EP300: variants seen among roughly 807,000 people sequenced by gnomAD.
The protein encoded by EP300 is EP300 lysine acetyltransferase.
Under a neutral mutation model 264.0 loss-of-function variants are expected in EP300, and 31 were observed. The observed-to-expected ratio is 0.12, with a 90% CI of 0.09 to 0.16. EP300 has a LOEUF of 0.16. EP300 is among the 10% of genes least tolerant of loss of function. The probability of loss-of-function intolerance (pLI) is 1.00; values close to 1 mark genes in which losing one functional copy is unlikely to be tolerated. For missense variants in EP300, 2,766 were observed against 3,052.9 expected (o/e 0.91, Z 2.21); for synonymous variants, 1,340 against 1,045.4 (o/e 1.28, Z -5.44).
chr22:41,173,561 T>A, intron 28 of EP300, 62 bp from the exon 29 acceptor site: 1 of 1,547,766 alleles, frequency 6.5e-7, no homozygotes, highest in Non-Finnish European at 8.9e-7. Context: ...AGATATTCTG[T>A]GCTATTCCCA....
chr22:41,169,974 C>T (rs1260359521), intron 26 of EP300, among the ~76,000 whole-genome samples: 1 of 152,144 alleles, frequency 6.6e-6, no homozygotes, highest in African/African-American at 2.4e-5. Flanking sequence ...TACTTCTTAC[C>T]TTTAGAGTAT....
At chr22:41,146,165 A>ATT (rs130087) in intron 10 of EP300, among the ~76,000 whole-genome samples, 1,692 of 139,046 alleles carry the variant, frequency 0.012, 22 homozygotes, top group East Asian at 0.039. Context: ...GATGGCCTCA[A>ATT]TTTTTTTTTT....
At chr22:41,119,176 T>TTA (rs1483524084) in intron 2 of EP300, among the ~76,000 whole-genome samples, 33 of 105,420 alleles carry the variant, frequency 3.1e-4, no homozygotes, top group South Asian at 5.9e-4. Flanking sequence ...CTTATTATTA[T>TTA]TTTTTTTTTT....
chr22:41,154,878 G>A, intron 16 of EP300, 117 bp from the exon 17 acceptor site: 1 of 743,058 alleles, frequency 1.3e-6, no homozygotes, highest in Non-Finnish European at 2.4e-6. Context: ...CATGGGGACA[G>A]AGTGGTTAAT....
intron 2 of EP300, among the ~76,000 whole-genome samples, chr22:41,120,624 T>C (rs1283963835): frequency 6.6e-6 from 1 of 152,204 alleles, no homozygotes; most frequent in Non-Finnish European, 1.5e-5. Context: ...TCCAAAAGTC[T>C]GACCTATGGT....
chr22:41,172,641 ACAC>A lies in EP300; in HGVS notation c.4598_4600del (p.Thr1533del). On this transcript the variant is annotated inframe_deletion, in exon 28 of 31. Coordinates refer to ENST00000263253, the MANE Select transcript of EP300 (RefSeq NM_001429.4). ...GAAGAAGAGAGAAAACGAGAGGAAAACACCAGCAATGAAAGCACAGATGTAAGG... is the reference window on the plus strand; with the variant it reads ...GAAGAAGAGAGAAAACGAGAGGAAAACAGCAATGAAAGCACAGATGTAAGG... 1.9e-6 allele frequency: 3 copies of A among 1,613,622 alleles called. No homozygotes were observed. The highest frequency in any genetic ancestry group is 2.5e-6 in the Non-Finnish European group (3 of 1,179,642).
intron 20 of EP300, among the ~76,000 whole-genome samples, chr22:41,161,800 G>C (rs1252346572): frequency 1.3e-5 from 2 of 152,144 alleles, no homozygotes; most frequent in Non-Finnish European, 2.9e-5. Context: ...TAGTAAAAAT[G>C]GGGCTTCTGA....
At chr22:41,093,999 C>T (rs780008670) in intron 1 of EP300, among the ~76,000 whole-genome samples, 2 of 152,218 alleles carry the variant, frequency 1.3e-5, no homozygotes, top group African/African-American at 4.8e-5. Flanking sequence ...TTTAAACATA[C>T]TTGGAGATCA....
intron 16 of EP300, 93 bp from the exon 17 acceptor site, chr22:41,154,902 C>T (rs2145744174): frequency 1.2e-6 from 1 of 853,818 alleles, no homozygotes; most frequent in East Asian, 2.5e-5. Flanking sequence ...GTTATTGATT[C>T]TTGAGATGCT....
chr22:41,151,606 TTCTTTGATGTAC>T (rs1341793951), intron 14 of EP300, among the ~76,000 whole-genome samples: 1 of 152,194 alleles, frequency 6.6e-6, no homozygotes, highest in Non-Finnish European at 1.5e-5. Context: ...TAGTTGCTGG[TTCTTTGATGTAC>T]AATCAGCCAA....
chr22:41,105,917 A>G (rs2145682306), intron 1 of EP300, among the ~76,000 whole-genome samples: 1 of 152,268 alleles, frequency 6.6e-6, no homozygotes, highest in South Asian at 2.1e-4. Flanking sequence ...TTTGTATAAA[A>G]CTTACAAGTT....
intron 25 of EP300, 107 bp downstream of exon 25, chr22:41,168,974 A>G: frequency 6.7e-7 from 1 of 1,503,436 alleles, no homozygotes; most frequent in Non-Finnish European, 9.2e-7. Context: ...TTTGGTTTGG[A>G]AATGCAAAAT....
chr22:41,134,118 C>G (rs1357662225), intron 6 of EP300, among the ~76,000 whole-genome samples: 4 of 150,000 alleles, frequency 2.7e-5, no homozygotes, highest in Non-Finnish European at 4.4e-5. Context: ...TCATTCCTGC[C>G]CTGTTGTTAT....
intron 13 of EP300, among the ~76,000 whole-genome samples, chr22:41,149,410 A>G (rs533699977): frequency 6.6e-6 from 1 of 152,346 alleles, no homozygotes; most frequent in South Asian, 2.1e-4. Flanking sequence ...AATTGTTTTT[A>G]CTAGTGAACA....
intron 11 of EP300, 116 bp downstream of exon 11, chr22:41,146,932 A>G (rs1039843858): frequency 5.4e-5 from 48 of 891,184 alleles, no homozygotes; most frequent in East Asian, 1.6e-4. Context: ...TTACCTGCCC[A>G]TAGAGGAAGA....
intron 4 of EP300, 69 bp from the exon 5 acceptor site, chr22:41,129,821 A>C: frequency 1.6e-6 from 2 of 1,216,048 alleles, no homozygotes; most frequent in Admixed American, 3.5e-5. Flanking sequence ...TTAAGTGGTC[A>C]ACAAGTTAGC....
chr22:41,107,097 G>T (rs2058762090), intron 1 of EP300, among the ~76,000 whole-genome samples: 1 of 151,882 alleles, frequency 6.6e-6, no homozygotes, highest in Non-Finnish European at 1.5e-5. Flanking sequence ...AGTAGCGATG[G>T]GGTTTCACCA....
chr22:41,148,686 G>T, intron 12 of EP300: 1 of 347,316 alleles, frequency 2.9e-6, no homozygotes, highest in Non-Finnish European at 5.5e-6. Context: ...TCACTGACAT[G>T]ACCTCATGAA....
intron 6 of EP300, among the ~76,000 whole-genome samples, chr22:41,134,133 T>G (rs1013321241): frequency 6.6e-6 from 1 of 151,734 alleles, no homozygotes; most frequent in Admixed American, 6.6e-5. Context: ...TGTTATTGTT[T>G]ATTACTTGGT....
Sources: gnomAD v4.1 joint callset for allele counts (sites outside exome capture counted in the v4.1 genomes callset) on GRCh38, gnomAD v4.1.1 for gene constraint, MANE v1.5 for transcripts, NCBI Gene and HGNC (gene_info 2026-07-23, HGNC 2026-07-21) for gene names.